The following DECR1 variants were observed in gnomAD, a reference collection of about 807,000 sequenced individuals.
DECR1 encodes the protein 2,4-dienoyl-CoA reductase 1, also known as 2,4-dienoyl-CoA reductase [(3E)-enoyl-CoA-producing], mitochondrial.
A neutral mutation model predicts 38.8 loss-of-function variants in DECR1; 44 were observed. The ratio of observed to expected loss-of-function variants is 1.13; its 90% CI spans 0.89 to 1.46. The LOEUF (loss-of-function observed/expected upper bound fraction) is 1.46. DECR1 is among the 40% of genes most tolerant of loss of function. DECR1 has a pLI of 0.00. For synonymous variants in DECR1, 148 were observed against 135.2 expected, an observed-to-expected ratio of 1.09 and a Z score of -0.66; for missense variants, 428 against 405.5, an observed-to-expected ratio of 1.06 and a Z score of -0.48.
chr8:90,031,619 T>C (rs958119687), intron 5 of DECR1, among the ~76,000 whole-genome samples: 1 of 152,158 alleles, frequency 6.6e-6, no homozygotes, highest in African/African-American at 2.4e-5. Flanking sequence ...GATTTTTAGA[T>C]TTTCATATGG....
At chr8:90,022,078 T>C (rs192210059) in intron 5 of DECR1, among the ~76,000 whole-genome samples, 1 of 152,012 alleles carries the variant, frequency 6.6e-6, no homozygotes. Flanking sequence ...CCTGAATAAT[T>C]TGGGGAACTT....
chr8:90,019,035 G>T, intron 3 of DECR1, 51 bp from the exon 4 acceptor site: 1 of 1,594,300 alleles, frequency 6.3e-7, no homozygotes, highest in Non-Finnish European at 8.6e-7. Context: ...TTGTTCATGC[G>T]TTTGGTTTAA....
At chr8:90,042,477 T>G in intron 6 of DECR1, 1 of 503,426 alleles carries the variant, frequency 2.0e-6, no homozygotes, top group Non-Finnish European at 3.6e-6. Flanking sequence ...GGTTGTACAG[T>G]AGAGTGACTA....
Position 90,052,022 on chromosome 8 carries a change from A to G in DECR1, c.*125A>G. On this transcript the variant is annotated 3_prime_UTR_variant, in exon 10 of 10. Transcript: ENST00000220764. ...AACAAACATTCATTGAATATGTATT[A>G]TGTGCCAGGCCAGTGATAGCCATTG... 1.2e-6 allele frequency: 1 copy of G among 804,746 alleles called. No homozygotes were observed. The highest frequency in any genetic ancestry group is 2.0e-6 in the Non-Finnish European group (1 of 495,490). The allele number at this position is 804,746 out of a possible 1,614,324, so 49.9% of individuals were successfully genotyped here.
chr8:90,047,338 C>T (rs1385699114), intron 8 of DECR1, among the ~76,000 whole-genome samples: 5 of 151,800 alleles, frequency 3.3e-5, no homozygotes, highest in Admixed American at 2.0e-4. Context: ...ATGGAGGAAA[C>T]CCTACCAAGC....
intron 1 of DECR1, among the ~76,000 whole-genome samples, chr8:90,002,876 A>G (rs941399512): frequency 6.6e-6 from 1 of 152,198 alleles, no homozygotes; most frequent in Non-Finnish European, 1.5e-5. Context: ...TTTGAAATCT[A>G]CAACAGCTCT....
intron 1 of DECR1, among the ~76,000 whole-genome samples, chr8:90,002,578 T>G (rs1436574650): frequency 6.6e-6 from 1 of 152,262 alleles, no homozygotes; most frequent in East Asian, 1.9e-4. Context: ...ACATTTTCTT[T>G]AGCCAGGTAG....
At chr8:90,040,569 C>A (rs980662690) in intron 6 of DECR1, among the ~76,000 whole-genome samples, 2 of 152,164 alleles carry the variant, frequency 1.3e-5, no homozygotes, top group Admixed American at 1.3e-4. Flanking sequence ...TGGTTTGCAG[C>A]ACCCACCAAC....
intron 1 of DECR1, among the ~76,000 whole-genome samples, chr8:90,009,075 C>T (rs1812817329): frequency 6.6e-6 from 1 of 152,138 alleles, no homozygotes; most frequent in Non-Finnish European, 1.5e-5. Context: ...AGATGTTTCC[C>T]ACTTGCCTCA....
rs147670454 is a variant in DECR1 at position 90,001,504 on chromosome 8, G to C, written c.12G>C (p.Pro4=). Residue 4 remains proline, a synonymous_variant, in exon 1 of 10, where the codon CCG becomes CCC. Coordinates refer to ENST00000220764, the MANE Select transcript of DECR1 (RefSeq NM_001359.2). Reference sequence around the variant, plus strand: ...TCTGGAGACTCAACATGAAGCTACCGGCCAGGGTTTTCTTTACTCTGGGGT... The same window carrying C: ...TCTGGAGACTCAACATGAAGCTACCCGCCAGGGTTTTCTTTACTCTGGGGT... The part of the protein sequence containing the change: MKL[P]ARVFFTLGSR... 9.3e-6 allele frequency: 15 copies of C among 1,613,942 alleles called. No homozygotes were observed. Among genetic ancestry groups the C allele is most frequent in the Non-Finnish European group, 1.3e-5 (15 of 1,179,934 alleles).
rs372630127 is a variant in DECR1 at position 90,021,014 on chromosome 8, G to C, written c.523G>C (p.Val175Leu). ...TDIVLNGTAF[V>L]TLEIGKQLIK... ...CATAGTTCTAAATGGCACAGCCTTCGTGACACTAGAAATTGGAAAACAACT... is the reference window on the plus strand; with the variant it reads ...CATAGTTCTAAATGGCACAGCCTTCCTGACACTAGAAATTGGAAAACAACT... The change falls in exon 5 of 10, where the codon GTG (valine) becomes CTG (leucine). Residue 175 changes from valine to leucine, a missense_variant. Val to Leu is a conservative substitution (Grantham distance 32). Transcript: ENST00000220764. The C allele has an allele frequency of 1.9e-6, 3 of 1,593,934 alleles. No individual in the cohort carries two copies. Among genetic ancestry groups the C allele is most frequent in the African/African-American group, 1.4e-5 (1 of 73,720 alleles).
At chr8:90,024,149 G>A (rs1449434618) in intron 5 of DECR1, among the ~76,000 whole-genome samples, 1 of 152,074 alleles carries the variant, frequency 6.6e-6, no homozygotes, top group Non-Finnish European at 1.5e-5. Flanking sequence ...CCAAGTCTTT[G>A]CTATTGTGAA....
rs145402130 is a variant in DECR1 at position 90,001,491 on chromosome 8, A to T, written c.-2A>T. On this transcript the variant is annotated 5_prime_UTR_variant, in exon 1 of 10. Transcript: ENST00000220764. ...TTCCGGCCCGAGTTCTGGAGACTCA[A>T]CATGAAGCTACCGGCCAGGGTTTTC... 93 of 1,613,902 alleles carry T rather than the reference A, an allele frequency of 5.8e-5. No homozygotes were observed. The highest frequency in any genetic ancestry group is 7.5e-5 in the Non-Finnish European group (88 of 1,179,910).
At position 90,005,437 on chromosome 8, in the gene DECR1, GT is replaced by G; in HGVS notation, c.69+3882del. Reference sequence around the variant, plus strand: ...ATGGGATCCCAAATAAATAGCATCCGTTTTTTCCAGTCTGAAAAATGAGTAA... The same window carrying G: ...ATGGGATCCCAAATAAATAGCATCCGTTTTTCCAGTCTGAAAAATGAGTAA... On this transcript the variant is annotated intron_variant, in intron 1 of 9. Coordinates refer to ENST00000220764, the MANE Select transcript of DECR1 (RefSeq NM_001359.2). The G allele has an allele frequency of 6.6e-6, 3 of 456,150 alleles. No individual in the cohort carries two copies. The Admixed American group carries it at 7.1e-5, about 11-fold the overall frequency. 28.3% of individuals were successfully genotyped at this position (456,150 alleles called of 1,614,324 possible).
At chr8:90,038,079 G>A (rs546797221) in intron 6 of DECR1, among the ~76,000 whole-genome samples, 2 of 152,250 alleles carry the variant, frequency 1.3e-5, no homozygotes, top group East Asian at 3.9e-4. Context: ...TATTTATTGT[G>A]TACCTTATAT....
chr8:90,002,144 G>T (rs1259422538), intron 1 of DECR1, among the ~76,000 whole-genome samples: 1 of 152,158 alleles, frequency 6.6e-6, no homozygotes, highest in Non-Finnish European at 1.5e-5. Flanking sequence ...GTGTAAATAG[G>T]TAGAAAGAGG....
chr8:90,010,927 T>C (rs1274255196), intron 1 of DECR1, among the ~76,000 whole-genome samples: 2 of 152,220 alleles, frequency 1.3e-5, no homozygotes, highest in Non-Finnish European at 2.9e-5. Flanking sequence ...ATGATTCAGT[T>C]TTCTGTTAGC....
chr8:90,006,527 A>G (rs999762419), intron 1 of DECR1, among the ~76,000 whole-genome samples: 1 of 152,172 alleles, frequency 6.6e-6, no homozygotes, highest in African/African-American at 2.4e-5. Context: ...GTGGAGACAA[A>G]TGGCTAAACC....
chr8:90,023,025 T>G (rs1163948515), intron 5 of DECR1, among the ~76,000 whole-genome samples: 5 of 152,216 alleles, frequency 3.3e-5, no homozygotes, highest in African/African-American at 1.2e-4. Flanking sequence ...TTTGGAGAAC[T>G]TGGACCACTC....
Sources: allele counts gnomAD v4.1 joint callset (sites outside exome capture counted in the v4.1 genomes callset), GRCh38; gene constraint gnomAD v4.1.1; transcripts MANE v1.5; gene names NCBI Gene and HGNC (gene_info 2026-07-23, HGNC 2026-07-21).